KLHL29: variants seen among roughly 807,000 people sequenced by gnomAD.
KLHL29 encodes the protein kelch-like protein 29.
Under a neutral mutation model 80.4 loss-of-function variants are expected in KLHL29, and 21 were observed. That is an observed-to-expected ratio of 0.26 (90% CI 0.19 to 0.38). KLHL29 has a LOEUF of 0.38. KLHL29 is among the 10% of genes least tolerant of loss of function. The pLI is 1.00. For synonymous variants in KLHL29, 511 were observed against 526.8 expected (o/e 0.97, Z 0.41); for missense variants, 867 against 1,223.9 (o/e 0.71, Z 4.35).
chr2:23,484,691 C>T (rs1282696389), intron 2 of KLHL29, among the ~76,000 whole-genome samples: 3 of 152,232 alleles, frequency 2.0e-5, no homozygotes, highest in South Asian at 4.1e-4. Context: ...TTATTTAGCA[C>T]CAGTTCAAGG....
intron 5 of KLHL29, among the ~76,000 whole-genome samples, chr2:23,655,901 C>G (rs997448613): frequency 6.6e-6 from 1 of 152,170 alleles, no homozygotes; most frequent in African/African-American, 2.4e-5. Flanking sequence ...GGAATCATCA[C>G]GCGGCATCCC....
At chr2:23,679,599 T>C (rs1417209863) in intron 5 of KLHL29, among the ~76,000 whole-genome samples, 1 of 152,122 alleles carries the variant, frequency 6.6e-6, no homozygotes, top group African/African-American at 2.4e-5. Context: ...ATATTTGCCA[T>C]CCATCACACC....
chr2:23,441,718 A>T (rs1176770537), intron 1 of KLHL29, among the ~76,000 whole-genome samples: 1 of 152,144 alleles, frequency 6.6e-6, no homozygotes, highest in Non-Finnish European at 1.5e-5. Context: ...CTGGGAACTC[A>T]ACTGCTGCTG....
At chr2:23,552,523 C>T (rs1377970073) in intron 2 of KLHL29, among the ~76,000 whole-genome samples, 27 of 152,188 alleles carry the variant, frequency 1.8e-4, no homozygotes, top group Admixed American at 1.7e-3. Flanking sequence ...GGACCAGCTG[C>T]ACCCACTGCT....
At chr2:23,504,499 C>T (rs538846010) in intron 2 of KLHL29, among the ~76,000 whole-genome samples, 4 of 152,186 alleles carry the variant, frequency 2.6e-5, no homozygotes, top group South Asian at 2.1e-4. Flanking sequence ...TCTGGAGCCC[C>T]GGGGCCTCCC....
At chr2:23,506,586 T>A (rs1282780670) in intron 2 of KLHL29, among the ~76,000 whole-genome samples, 1 of 152,244 alleles carries the variant, frequency 6.6e-6, no homozygotes, top group African/African-American at 2.4e-5. Context: ...TACTCAAGGC[T>A]GTTTCCTTCC....
chr2:23,616,215 G>A (rs573042693), intron 3 of KLHL29, among the ~76,000 whole-genome samples: 1 of 152,258 alleles, frequency 6.6e-6, no homozygotes, highest in East Asian at 1.9e-4. Context: ...TCCCTCCTCA[G>A]CCTGGGGTTC....
intron 3 of KLHL29, among the ~76,000 whole-genome samples, chr2:23,588,925 A>G (rs922918405): frequency 2.0e-5 from 3 of 152,194 alleles, no homozygotes; most frequent in African/African-American, 7.2e-5. Flanking sequence ...AGCCGTACCC[A>G]AAGATTGATG....
chr2:23,406,945 C>T (rs887938777), intron 1 of KLHL29, among the ~76,000 whole-genome samples: 1 of 152,136 alleles, frequency 6.6e-6, no homozygotes, highest in African/African-American at 2.4e-5. Context: ...AAACAATTAA[C>T]ATTTTAGAAT....
At chr2:23,526,272 C>T (rs1239204777) in intron 2 of KLHL29, among the ~76,000 whole-genome samples, 4 of 133,190 alleles carry the variant, frequency 3.0e-5, no homozygotes, top group Admixed American at 1.5e-4. Flanking sequence ...CGTGGGCGGT[C>T]GGAGGAAGCG....
intron 3 of KLHL29, among the ~76,000 whole-genome samples, chr2:23,593,435 C>A: frequency 6.6e-6 from 1 of 152,190 alleles, no homozygotes. Context: ...CCCTTTTACT[C>A]TCCCCAAGCC....
At chr2:23,423,656 G>A (rs1292131273) in intron 1 of KLHL29, among the ~76,000 whole-genome samples, 2 of 152,092 alleles carry the variant, frequency 1.3e-5, no homozygotes, top group Non-Finnish European at 2.9e-5. Flanking sequence ...CCTGGCGGGC[G>A]GGGGTCCTGT....
At chr2:23,601,396 C>T (rs943522888) in intron 3 of KLHL29, among the ~76,000 whole-genome samples, 2 of 152,138 alleles carry the variant, frequency 1.3e-5, no homozygotes, top group Non-Finnish European at 2.9e-5. Context: ...TTGTTAATGG[C>T]AGTTACAGGA....
intron 5 of KLHL29, chr2:23,671,949 T>C (rs1001568854): frequency 2.0e-5 from 3 of 152,356 alleles, no homozygotes; most frequent in Non-Finnish European, 2.9e-5. Context: ...CTCCAATACA[T>C]ACCTTTCTGC....
intron 2 of KLHL29, among the ~76,000 whole-genome samples, chr2:23,494,246 A>G (rs1207594485): frequency 6.6e-6 from 1 of 152,236 alleles, no homozygotes; most frequent in African/African-American, 2.4e-5. Flanking sequence ...AGGGGCATTG[A>G]TAGATTTTAA....
chr2:23,592,143 C>T (rs1668281602), intron 3 of KLHL29, among the ~76,000 whole-genome samples: 1 of 152,242 alleles, frequency 6.6e-6, no homozygotes. Context: ...TCTGGAGGGG[C>T]CCATCCTCAT....
rs562191343 is a variant in KLHL29 at position 23,567,627 on chromosome 2, G to A, written c.285+5146G>A. On this transcript the variant is annotated intron_variant, in intron 3 of 13. Transcript: ENST00000486442. The stretch of plus-strand genomic sequence containing the variant: ...GGGGGAGATGATCTGGGATTTCCGT[G>A]GGGATCATGTGAGTGACCGCAGGGC... 1.9e-3 allele frequency among the ~76,000 whole-genome samples: 290 copies of A among 152,342 alleles called. 1 individual carries two copies. The highest frequency in any genetic ancestry group is 6.1e-3 in the African/African-American group (255 of 41,584).
intron 2 of KLHL29, among the ~76,000 whole-genome samples, chr2:23,495,182 C>G (rs1377061383): frequency 6.6e-6 from 1 of 152,168 alleles, no homozygotes; most frequent in Non-Finnish European, 1.5e-5. Context: ...ATCACTGTAC[C>G]TGGCTGGAAA....
intron 3 of KLHL29, among the ~76,000 whole-genome samples, chr2:23,615,073 G>T (rs2103532600): frequency 6.6e-6 from 1 of 152,322 alleles, no homozygotes; most frequent in East Asian, 1.9e-4. Context: ...TCACAGCTCG[G>T]CGCTTCTTCC....
Sources: allele counts gnomAD v4.1 joint callset (sites outside exome capture counted in the v4.1 genomes callset), GRCh38; gene constraint gnomAD v4.1.1; transcripts MANE v1.5; gene names NCBI Gene and HGNC (gene_info 2026-07-23, HGNC 2026-07-21).